Variants in GPATCH2 observed in about 807,000 individuals in gnomAD.
GPATCH2 encodes G-patch domain containing 2, also known as G patch domain-containing protein 2.
In GPATCH2, 51 loss-of-function variants were observed where a neutral mutation model predicts 58.0. That is an observed-to-expected ratio of 0.88 (90% CI 0.70 to 1.11). GPATCH2 has a LOEUF of 1.11. Ranked by LOEUF, GPATCH2 falls within the 50% of genes most tolerant of loss-of-function variation. The probability of loss-of-function intolerance (pLI) is 0.00; values close to 1 mark genes in which losing one functional copy is unlikely to be tolerated. For missense variants in GPATCH2, 625 were observed against 652.2 expected, an observed-to-expected ratio of 0.96 and a Z score of 0.45; for synonymous variants, 222 against 218.5, an observed-to-expected ratio of 1.02 and a Z score of -0.14.
At chr1:217,582,588 A>G (rs1405805251) in intron 5 of GPATCH2, among the ~76,000 whole-genome samples, 1 of 152,200 alleles carries the variant, frequency 6.6e-6, no homozygotes, top group East Asian at 1.9e-4. Context: ...AAAAGCAAAG[A>G]ATCCAGTATT....
At chr1:217,578,515 G>A (rs930039683) in intron 5 of GPATCH2, among the ~76,000 whole-genome samples, 1 of 152,174 alleles carries the variant, frequency 6.6e-6, no homozygotes, top group African/African-American at 2.4e-5. Context: ...GTATCCTAAA[G>A]AGCTGAGAGT....
intron 5 of GPATCH2, among the ~76,000 whole-genome samples, chr1:217,529,002 C>G (rs1010888374): frequency 2.0e-5 from 3 of 152,096 alleles, no homozygotes; most frequent in African/African-American, 7.2e-5. Flanking sequence ...CAGTCCAGAC[C>G]AGCTAGAGGT....
chr1:217,524,908 G>A lies in GPATCH2; in HGVS notation c.1099-10019C>T, dbSNP rs1442102794. 5.3e-3 allele frequency among the ~76,000 whole-genome samples: 27 copies of A among 5,100 alleles called. 9 individuals carry two copies. The highest frequency in any genetic ancestry group is 9.9e-3 in the Non-Finnish European group (23 of 2,322). 3.3% of individuals were successfully genotyped at this position (5,100 alleles called of 152,430 possible). On this transcript the variant is annotated intron_variant, in intron 5 of 9. Transcript: ENST00000366935. The stretch of plus-strand genomic sequence containing the variant: ...GGGGGGAGGGGGGAGGGGGGAGGGG[G>A]GAGGGGGAGGGGGGAGAGGGGAGAG...
intron 9 of GPATCH2, among the ~76,000 whole-genome samples, chr1:217,439,250 C>T (rs1017433159): frequency 2.0e-5 from 3 of 152,146 alleles, no homozygotes; most frequent in Non-Finnish European, 4.4e-5. Flanking sequence ...AACTGAACAA[C>T]CTGCTCCTGA....
chr1:217,622,309 T>C (rs1459581190), intron 1 of GPATCH2, among the ~76,000 whole-genome samples: 1 of 152,194 alleles, frequency 6.6e-6, no homozygotes, highest in Non-Finnish European at 1.5e-5. Flanking sequence ...CCTGTACTGG[T>C]TAGTAAAATG....
At chr1:217,505,866 A>G (rs974887244) in intron 6 of GPATCH2, among the ~76,000 whole-genome samples, 1 of 152,190 alleles carries the variant, frequency 6.6e-6, no homozygotes, top group Non-Finnish European at 1.5e-5. Context: ...TCCATCACCC[A>G]GGCTGGAGTG....
chr1:217,605,285 G>T (rs1224359521), intron 5 of GPATCH2, among the ~76,000 whole-genome samples: 1 of 152,108 alleles, frequency 6.6e-6, no homozygotes, highest in Non-Finnish European at 1.5e-5. Context: ...ATTGTGTTCA[G>T]GGTTTTTGTA....
At chr1:217,586,304 C>A (rs938956575) in intron 5 of GPATCH2, among the ~76,000 whole-genome samples, 1 of 152,166 alleles carries the variant, frequency 6.6e-6, no homozygotes, top group African/African-American at 2.4e-5. Context: ...CATTGCACAG[C>A]TGTACAAAAC....
intron 5 of GPATCH2, among the ~76,000 whole-genome samples, chr1:217,515,745 T>C (rs1331166543): frequency 6.6e-6 from 1 of 151,362 alleles, no homozygotes; most frequent in African/African-American, 2.4e-5. Context: ...AAAAGGACTC[T>C]TTATAATAGT....
chr1:217,604,341 T>C (rs1249664965), intron 5 of GPATCH2, among the ~76,000 whole-genome samples: 3 of 145,920 alleles, frequency 2.1e-5, no homozygotes, highest in South Asian at 4.3e-4. Context: ...ACAGACTCCA[T>C]CTCAAAAAAA....
chr1:217,582,386 T>G (rs1667119626), intron 5 of GPATCH2, among the ~76,000 whole-genome samples: 1 of 152,126 alleles, frequency 6.6e-6, no homozygotes, highest in Non-Finnish European at 1.5e-5. Context: ...CTTAAAGTCA[T>G]CATAACAGCA....
intron 5 of GPATCH2, among the ~76,000 whole-genome samples, chr1:217,521,350 G>A (rs1322613836): frequency 4.8e-5 from 2 of 41,924 alleles, no homozygotes; most frequent in African/African-American, 3.6e-4. Context: ...TCCCCTACAG[G>A]GAGACTGCAA....
intron 8 of GPATCH2, among the ~76,000 whole-genome samples, chr1:217,487,690 G>T (rs1034834773): frequency 2.6e-5 from 4 of 152,044 alleles, no homozygotes; most frequent in African/African-American, 9.7e-5. Context: ...CTCCCAAAGT[G>T]CTGGGATTGC....
chr1:217,589,254 A>G (rs558294802), intron 5 of GPATCH2, among the ~76,000 whole-genome samples: 1 of 126,742 alleles, frequency 7.9e-6, no homozygotes, highest in Admixed American at 8.3e-5. Context: ...CGGCCCGCCC[A>G]TCCCTCCCTT....
At chr1:217,446,058 A>C (rs1000462273) in intron 9 of GPATCH2, among the ~76,000 whole-genome samples, 1 of 152,112 alleles carries the variant, frequency 6.6e-6, no homozygotes, top group African/African-American at 2.4e-5. Flanking sequence ...AATCCTTTCT[A>C]AACTCGCTGT....
At chr1:217,612,001 G>A (rs909105489) in intron 3 of GPATCH2, among the ~76,000 whole-genome samples, 3 of 151,914 alleles carry the variant, frequency 2.0e-5, no homozygotes, top group Admixed American at 1.3e-4. Context: ...GCAAGAAAGC[G>A]AGACCCTGTC....
At chr1:217,516,458 G>A (rs1012238261) in intron 5 of GPATCH2, among the ~76,000 whole-genome samples, 11 of 152,102 alleles carry the variant, frequency 7.2e-5, no homozygotes, top group African/African-American at 2.2e-4. Context: ...TGGTTTGAGC[G>A]CCACAGGTAA....
At chr1:217,564,497 G>A (rs945034214) in intron 5 of GPATCH2, among the ~76,000 whole-genome samples, 9 of 151,698 alleles carry the variant, frequency 5.9e-5, no homozygotes, top group East Asian at 4.0e-4. Context: ...TCTCCGGCAC[G>A]GCAAATACTC....
intron 5 of GPATCH2, among the ~76,000 whole-genome samples, chr1:217,516,159 G>T (rs1390397612): frequency 1.3e-5 from 2 of 150,812 alleles, no homozygotes; most frequent in African/African-American, 4.9e-5. Flanking sequence ...GTACAAGAAT[G>T]AATCTATCAG....
Sources: gnomAD v4.1 joint callset for allele counts (sites outside exome capture counted in the v4.1 genomes callset) on GRCh38, gnomAD v4.1.1 for gene constraint, MANE v1.5 for transcripts, NCBI Gene and HGNC (gene_info 2026-07-23, HGNC 2026-07-21) for gene names.